EML5: variants seen among roughly 807,000 people sequenced by gnomAD.
EML5 encodes the protein echinoderm microtubule-associated protein-like 5.
In EML5, 120 loss-of-function variants were observed where a neutral mutation model predicts 250.0. The ratio of observed to expected loss-of-function variants is 0.48; its 90% CI spans 0.41 to 0.56. The LOEUF is 0.56. EML5 is among the 20% of genes least tolerant of loss of function. The pLI is 0.00. For missense variants in EML5, 2,006 were observed against 2,437.6 expected, an observed-to-expected ratio of 0.82 and a Z score of 3.73; for synonymous variants, 771 against 806.5, an observed-to-expected ratio of 0.96 and a Z score of 0.75.
rs371064799 is a variant in EML5 at position 88,670,980 on chromosome 14, G to A, written c.3125-5491C>T. On this transcript the variant is annotated intron_variant, in intron 21 of 43. Transcript: ENST00000554922. Reference sequence around the variant, plus strand: ...CCTGAACAGAACAAAGTTGTAAAACGTACTTCAGGATATCATCCAGGAGAA... The same window carrying A: ...CCTGAACAGAACAAAGTTGTAAAACATACTTCAGGATATCATCCAGGAGAA... Among the ~76,000 whole-genome samples the A allele has an allele frequency of 3.2e-4, 48 of 152,096 alleles. 1 individual carries two copies. In the South Asian group the frequency reaches 6.4e-3, roughly 20 times the overall value.
rs182390713 is a variant in EML5, at chr14:88,747,281, T to C, written c.358-998A>G. Among the ~76,000 whole-genome samples the C allele has an allele frequency of 1.3e-3, 191 of 151,956 alleles. 1 individual carries two copies. The highest frequency in any genetic ancestry group is 0.01 in the Middle Eastern group (3 of 294). ...ACAAAAATTAGCCAGGCGTGGTGAC[T>C]CACGCCTGTAATTCCATCTACTCGG... On this transcript the variant is annotated intron_variant, in intron 2 of 43. Transcript: ENST00000554922.
chr14:88,659,892 C>T (rs1346718074), intron 25 of EML5, among the ~76,000 whole-genome samples: 1 of 152,068 alleles, frequency 6.6e-6, no homozygotes, highest in African/African-American at 2.4e-5. Context: ...GAACTGAATA[C>T]CACAATATCA....
At chr14:88,621,377 C>G (rs2088889301) in intron 37 of EML5, 76 bp from the exon 38 acceptor site, 2 of 1,559,274 alleles carry the variant, frequency 1.3e-6, no homozygotes, top group Admixed American at 1.7e-5. Context: ...AAAAATGACC[C>G]TATTGACCTG....
chr14:88,690,716 A>G (rs879829790), intron 17 of EML5, among the ~76,000 whole-genome samples: 3 of 152,208 alleles, frequency 2.0e-5, no homozygotes, highest in Non-Finnish European at 2.9e-5. Context: ...ATCACATCAC[A>G]CTTTTATGCT....
intron 17 of EML5, among the ~76,000 whole-genome samples, chr14:88,690,677 G>T (rs994940076): frequency 4.6e-5 from 7 of 152,146 alleles, no homozygotes; most frequent in Non-Finnish European, 1.0e-4. Context: ...TTGAAAGAGG[G>T]TTTTGTGTCA....
At chr14:88,664,723 C>A in intron 22 of EML5, 99 bp from the exon 23 acceptor site, 1 of 1,192,456 alleles carries the variant, frequency 8.4e-7, no homozygotes, top group Non-Finnish European at 1.2e-6. Context: ...ATGGAGAAAT[C>A]TTAGCTGTTT....
intron 28 of EML5, among the ~76,000 whole-genome samples, chr14:88,647,684 T>G (rs1481364370): frequency 7.6e-4 from 34 of 44,888 alleles, no homozygotes; most frequent in Non-Finnish European, 1.0e-3. Context: ...AGTGAGACCG[T>G]CTCAAAAAAA....
At chr14:88,633,734 G>T (rs965439291) in intron 33 of EML5, among the ~76,000 whole-genome samples, 1 of 152,040 alleles carries the variant, frequency 6.6e-6, no homozygotes, top group Non-Finnish European at 1.5e-5. Flanking sequence ...GCATGGTCGT[G>T]TCAAATAAAG....
intron 25 of EML5, among the ~76,000 whole-genome samples, chr14:88,659,517 G>A (rs534887005): frequency 1.8e-4 from 28 of 152,270 alleles, no homozygotes; most frequent in African/African-American, 6.3e-4. Flanking sequence ...CAGCAGGAAT[G>A]ATGACTCTTA....
At chr14:88,746,332 C>A (rs763411814) in intron 2 of EML5, 49 bp from the exon 3 acceptor site, 2 of 1,450,930 alleles carry the variant, frequency 1.4e-6, no homozygotes, top group Admixed American at 1.9e-5. Context: ...GCAAACAAAT[C>A]AAAGAGAAAC....
intron 1 of EML5, among the ~76,000 whole-genome samples, chr14:88,777,739 G>A (rs1435434236): frequency 1.3e-5 from 2 of 152,234 alleles, no homozygotes; most frequent in Non-Finnish European, 1.5e-5. Context: ...CACTTTGGGA[G>A]CTGAGGCAGG....
chr14:88,685,261 T>C, intron 19 of EML5, 119 bp from the exon 20 acceptor site: 1 of 773,392 alleles, frequency 1.3e-6, no homozygotes, highest in Non-Finnish European at 1.9e-6. Flanking sequence ...TTCTCCTGTA[T>C]TTTAAGTATT....
intron 1 of EML5, among the ~76,000 whole-genome samples, chr14:88,774,841 T>C (rs917908452): frequency 2.0e-5 from 3 of 152,078 alleles, no homozygotes; most frequent in African/African-American, 7.3e-5. Context: ...CCAGCTCAGA[T>C]TGCTTCCCTG....
intron 42 of EML5, 188 bp from the exon 43 acceptor site, chr14:88,616,430 T>C: frequency 4.7e-6 from 3 of 634,966 alleles, no homozygotes; most frequent in Non-Finnish European, 8.2e-6. Context: ...GGCAGTCAGA[T>C]GTCTCCAGGT....
rs1312611378 is a variant in EML5, at chr14:88,728,108, T to A, written c.1050-1430A>T. On this transcript the variant is annotated intron_variant, in intron 7 of 43. Transcript: ENST00000554922. ...ATGCATATACAGTTGGCCCTCTGTA[T>A]CCATGGGTTCTGCAGCTACAGATTC... 5.9e-5 allele frequency among the ~76,000 whole-genome samples: 9 copies of A among 152,126 alleles called. No homozygotes were observed. In the East Asian group the frequency reaches 1.5e-3, roughly 26 times the overall value.
intron 1 of EML5, among the ~76,000 whole-genome samples, chr14:88,757,016 C>T (rs1419522721): frequency 6.6e-6 from 1 of 152,140 alleles, no homozygotes; most frequent in Admixed American, 6.6e-5. Context: ...CCAAAACTAT[C>T]CTGAAAAACA....
Position 88,638,812 on chromosome 14 carries a change from C to T in EML5, c.4333G>A (p.Val1445Ile). The change falls in exon 32 of 44, where the codon GTA becomes ATA. Residue 1445 changes from valine (V) to isoleucine (I), a missense_variant. Physicochemically the swap from Val to Ile is conservative, Grantham distance 29. Around this residue, in one of 7 missense-constraint regions of EML5, gnomAD observed 1,375 missense variants for 1,590.3 expected, o/e 0.86. Transcript: ENST00000554922. The stretch of plus-strand genomic sequence containing the variant: ...TTTTTAAAATACAGAAACATACCTA[C>T]TTGGCCAGTTGCCACTATGTTGATA... ...KFINIVATGQ[V>I]GDSADMSATA... 1 of 1,579,732 alleles carries T rather than the reference C, an allele frequency of 6.3e-7. No homozygotes were observed. The highest frequency in any genetic ancestry group is 1.2e-5 in the South Asian group (1 of 85,542).
At chr14:88,706,055 C>T (rs909819399) in intron 11 of EML5, among the ~76,000 whole-genome samples, 1 of 152,100 alleles carries the variant, frequency 6.6e-6, no homozygotes, top group Non-Finnish European at 1.5e-5. Context: ...GATTAAAACG[C>T]AATCAAAATT....
chr14:88,673,747 A>C (rs1370475164), intron 21 of EML5, among the ~76,000 whole-genome samples: 1 of 152,230 alleles, frequency 6.6e-6, no homozygotes, highest in African/African-American at 2.4e-5. Context: ...GAAAACAGAG[A>C]GCCAAATCAT....
Sources: allele counts gnomAD v4.1 joint callset (sites outside exome capture counted in the v4.1 genomes callset), GRCh38; gene constraint gnomAD v4.1.1; regional missense constraint gnomAD v4.1.1; transcripts MANE v1.5; gene names NCBI Gene and HGNC (gene_info 2026-07-23, HGNC 2026-07-21).